AGO2: variants seen among roughly 807,000 people sequenced by gnomAD.
The protein encoded by AGO2 is argonaute RISC catalytic component 2.
Under a neutral mutation model 102.3 loss-of-function variants are expected in AGO2, and 5 were observed. The observed-to-expected ratio is 0.05, with a 90% confidence interval of 0.03 to 0.10. The LOEUF is 0.10. Among genes scored for constraint, AGO2 ranks in the 10% least tolerant of loss-of-function variants. The pLI is 1.00. For synonymous variants in AGO2, 449 were observed against 473.1 expected (o/e 0.95, Z 0.66); for missense variants, 541 against 1,183.7 (o/e 0.46, Z 7.97).
upstream of AGO2, among the ~76,000 whole-genome samples, chr8:140,639,099 G>T (rs2074427095): frequency 6.6e-6 from 1 of 152,096 alleles, no homozygotes; most frequent in Non-Finnish European, 1.5e-5. Flanking sequence ...AAATTCCTGG[G>T]CTCAAGTGAT....
At chr8:140,623,786 G>A (rs1374710556) in intron 1 of AGO2, among the ~76,000 whole-genome samples, 2 of 152,084 alleles carry the variant, frequency 1.3e-5, no homozygotes, top group Non-Finnish European at 2.9e-5. Flanking sequence ...ACTTGCCACC[G>A]AGCCACAAAC....
chr8:140,599,722 T>G (rs898550809), intron 1 of AGO2, among the ~76,000 whole-genome samples: 1 of 152,126 alleles, frequency 6.6e-6, no homozygotes, highest in African/African-American at 2.4e-5. Flanking sequence ...CTCACGATTT[T>G]TTTGTTTGTT....
At chr8:140,608,652 A>T (rs895825286) in intron 1 of AGO2, among the ~76,000 whole-genome samples, 2 of 152,212 alleles carry the variant, frequency 1.3e-5, no homozygotes, top group Non-Finnish European at 2.9e-5. Context: ...CAGCCAGGAC[A>T]ATCCACGGGG....
In AGO2 at chr8:140,589,086, C is replaced by T. The variant is rs2073707976; in HGVS notation, c.23-3775G>A. 1.3e-5 allele frequency among the ~76,000 whole-genome samples: 2 copies of T among 152,240 alleles called. No individual in the cohort carries two copies. The highest frequency in any genetic ancestry group is 6.5e-5 in the Admixed American group (1 of 15,292). On this transcript the variant is annotated intron_variant, in intron 1 of 18. Coordinates refer to ENST00000220592, the MANE Select transcript of AGO2 (RefSeq NM_012154.5). The surrounding 1 kb of genome is among the most constrained non-coding windows in gnomAD (Gnocchi z 4.2). ...CAGGCGAGCCTCCTGCAGGAGCAGGCGGTCCCCTGAAGAAACTCCTTTCGG... is the reference window on the plus strand; with the variant it reads ...CAGGCGAGCCTCCTGCAGGAGCAGGTGGTCCCCTGAAGAAACTCCTTTCGG...
At chr8:140,629,857 A>AGAGGG (rs1253590374) in intron 1 of AGO2, among the ~76,000 whole-genome samples, 3 of 122,580 alleles carry the variant, frequency 2.4e-5, no homozygotes, top group African/African-American at 9.1e-5. Flanking sequence ...AGAAAAGAGG[A>AGAGGG]GAGGGGAGGG....
At chr8:140,588,068 C>T (rs983000050) in intron 1 of AGO2, among the ~76,000 whole-genome samples, 10 of 152,228 alleles carry the variant, frequency 6.6e-5, no homozygotes, top group African/African-American at 2.4e-4. Flanking sequence ...CGAGGTTCCA[C>T]CTCTCCGTGG....
intron 16 of AGO2, among the ~76,000 whole-genome samples, chr8:140,536,705 A>G (rs58069262): frequency 0.046 from 7,004 of 152,162 alleles, 438 homozygotes; most frequent in African/African-American, 0.14. Context: ...ATTATTTTCC[A>G]TTCTAGGATG....
intron 1 of AGO2, among the ~76,000 whole-genome samples, chr8:140,590,601 G>T (rs1443283836): frequency 6.6e-6 from 1 of 152,160 alleles, no homozygotes; most frequent in Admixed American, 6.5e-5. Context: ...CACCTCGCTG[G>T]CCACCGGTCA....
chr8:140,525,140 C>T lies in AGO2; in HGVS notation c.*6904G>A, dbSNP rs2072479860. 1 of 152,262 alleles carries T rather than the reference C, an allele frequency of 6.6e-6. No homozygotes were observed. Among genetic ancestry groups the T allele is most frequent in the South Asian group, 2.1e-4 (1 of 4,838 alleles). 9.4% of individuals were successfully genotyped at this position (152,262 alleles called of 1,614,324 possible). ...AACACATCTAACATTTCCACACCAA[C>T]CAATAAGATAGAAACGTGTTAACAA... is the stretch of plus-strand genomic sequence containing the variant. On this transcript the variant is annotated 3_prime_UTR_variant, in exon 19 of 19. Coordinates refer to ENST00000220592, the MANE Select transcript of AGO2 (RefSeq NM_012154.5).
chr8:140,609,144 A>C (rs1241292202), intron 1 of AGO2, among the ~76,000 whole-genome samples: 3 of 152,268 alleles, frequency 2.0e-5, no homozygotes, highest in Non-Finnish European at 2.9e-5. Flanking sequence ...GCTTGTGTAC[A>C]TCACCAGAAG....
At chr8:140,616,304 A>T (rs1289444185) in intron 1 of AGO2, among the ~76,000 whole-genome samples, 1 of 152,160 alleles carries the variant, frequency 6.6e-6, no homozygotes, top group South Asian at 2.1e-4. Flanking sequence ...ACCCACTTAC[A>T]CAGCCATTAT....
chr8:140,634,357 G>C (rs1165636428), intron 1 of AGO2, among the ~76,000 whole-genome samples: 1 of 152,258 alleles, frequency 6.6e-6, no homozygotes, highest in African/African-American at 2.4e-5. Context: ...GGGCAGCATC[G>C]GGAATGCGAG....
At chr8:140,538,305 C>T (rs767899647) in intron 16 of AGO2, among the ~76,000 whole-genome samples, 4 of 152,192 alleles carry the variant, frequency 2.6e-5, no homozygotes, top group Admixed American at 6.5e-5. Flanking sequence ...CTCTGCCTTC[C>T]GGTCCTCCCT....
chr8:140,580,530 C>T (rs1442150109), intron 2 of AGO2, among the ~76,000 whole-genome samples: 3 of 152,196 alleles, frequency 2.0e-5, no homozygotes, highest in Non-Finnish European at 4.4e-5. Context: ...GCCCCACCTT[C>T]GTCTCCCTTT....
chr8:140,616,971 C>T (rs116716822), intron 1 of AGO2, among the ~76,000 whole-genome samples: 131 of 152,350 alleles, frequency 8.6e-4, no homozygotes, highest in African/African-American at 2.9e-3. Flanking sequence ...CACCCCCGCG[C>T]ACCCTCCACC....
chr8:140,542,199 C>T (rs1056711280), intron 14 of AGO2, among the ~76,000 whole-genome samples: 1 of 152,110 alleles, frequency 6.6e-6, no homozygotes, highest in South Asian at 2.1e-4. Flanking sequence ...TGGAGGGAAC[C>T]GGGTAGATCC....
the AGO2 span, among the ~76,000 whole-genome samples, chr8:140,640,762 G>A: frequency 5.3e-5 from 8 of 152,076 alleles, no homozygotes; most frequent in South Asian, 1.0e-3. Context: ...CTTGTGATCC[G>A]CCCGCCTTGG....
intron 1 of AGO2, among the ~76,000 whole-genome samples, chr8:140,615,653 G>T (rs1435197301): frequency 1.3e-5 from 2 of 152,256 alleles, no homozygotes; most frequent in East Asian, 1.9e-4. Context: ...ATGTTTAGGG[G>T]GCAGCCACAG....
At position 140,631,745 on chromosome 8, in the gene AGO2, C is replaced by T. The variant is rs1019191466; in HGVS notation, c.22+3740G>A. Among the ~76,000 whole-genome samples the T allele has an allele frequency of 1.2e-4, 18 of 152,078 alleles. 2 individuals carry two copies. Among genetic ancestry groups the T allele is most frequent in the Admixed American group, 9.8e-4 (15 of 15,258 alleles). ...GATCACAGACTGTTAACTGTCATAACGGCACTGGGGTATGTTCAAAACGTC... is the reference window on the plus strand; with the variant it reads ...GATCACAGACTGTTAACTGTCATAATGGCACTGGGGTATGTTCAAAACGTC... On this transcript the variant is annotated intron_variant, in intron 1 of 18. Coordinates refer to ENST00000220592, the MANE Select transcript of AGO2 (RefSeq NM_012154.5).
Sources: allele counts gnomAD v4.1 joint callset (sites outside exome capture counted in the v4.1 genomes callset), GRCh38; gene constraint gnomAD v4.1.1; non-coding constraint Gnocchi (gnomAD v3.1); transcripts MANE v1.5; gene names NCBI Gene and HGNC (gene_info 2026-07-23, HGNC 2026-07-21).